IL1RAPL1: variants seen among roughly 807,000 people sequenced by gnomAD.
IL1RAPL1 encodes the protein interleukin 1 receptor accessory protein like 1.
In IL1RAPL1, 3 loss-of-function variants were observed where a neutral mutation model predicts 48.4. The ratio of observed to expected loss-of-function variants is 0.06; its 90% CI spans 0.03 to 0.16. IL1RAPL1 has a LOEUF of 0.16. Among genes scored for constraint, IL1RAPL1 ranks in the 10% least tolerant of loss-of-function variants. IL1RAPL1 has a pLI of 1.00. For missense variants in IL1RAPL1, 349 were observed against 530.6 expected (o/e 0.66, Z 3.36); for synonymous variants, 185 against 187.7 (o/e 0.99, Z 0.12).
intron 2 of IL1RAPL1, among the ~76,000 whole-genome samples, chrX:28,978,974 C>G (rs1038693525): frequency 5.4e-5 from 6 of 111,669 alleles, no homozygotes; most frequent in Non-Finnish European, 9.4e-5. Flanking sequence ...ATGGAATCAT[C>G]TGGAGACTTA....
chrX:29,791,660 G>A (rs1425860535), intron 6 of IL1RAPL1, among the ~76,000 whole-genome samples: 1 of 107,440 alleles, frequency 9.3e-6, no homozygotes. Flanking sequence ...CTGACTTCAG[G>A]TGATCCACCC....
intron 1 of IL1RAPL1, among the ~76,000 whole-genome samples, chrX:28,625,424 A>G (rs1934329619): frequency 8.9e-6 from 1 of 112,037 alleles, no homozygotes; most frequent in South Asian, 3.7e-4. Context: ...TTCAAACTAC[A>G]TATTTGTAAG....
chrX:29,946,159 CTT>C (rs769636240), intron 9 of IL1RAPL1, among the ~76,000 whole-genome samples: 18 of 112,343 alleles, frequency 1.6e-4, no homozygotes, highest in Non-Finnish European at 2.4e-4. Flanking sequence ...ACACCACCCT[CTT>C]GTTTTCATTC....
At chrX:28,736,521 A>C (rs1935828045) in intron 1 of IL1RAPL1, among the ~76,000 whole-genome samples, 2 of 111,617 alleles carry the variant, frequency 1.8e-5, no homozygotes, top group Admixed American at 1.9e-4. Context: ...CTGTTAATGT[A>C]TACAGTTAAT....
chrX:28,992,153 G>A (rs767178447), intron 2 of IL1RAPL1, among the ~76,000 whole-genome samples: 4 of 111,796 alleles, frequency 3.6e-5, no homozygotes, highest in South Asian at 3.7e-4. Context: ...TAATTTCCCC[G>A]TTATTCTAGA....
At chrX:29,774,591 A>G (rs1170869131) in intron 6 of IL1RAPL1, among the ~76,000 whole-genome samples, 1 of 112,317 alleles carries the variant, frequency 8.9e-6, no homozygotes, top group Non-Finnish European at 1.9e-5. Context: ...TATAATTTTT[A>G]TACGTAAAAT....
intron 5 of IL1RAPL1, among the ~76,000 whole-genome samples, chrX:29,539,236 G>A (rs1196104250): frequency 9.0e-6 from 1 of 111,628 alleles, no homozygotes; most frequent in African/African-American, 3.3e-5. Context: ...TTTCATTCCT[G>A]GGATGCAACG....
chrX:29,514,293 T>C (rs6526875), intron 5 of IL1RAPL1, among the ~76,000 whole-genome samples: 51,158 of 111,004 alleles, frequency 0.46, 8,556 homozygotes, highest in East Asian at 0.7. Context: ...CTAAAATAAA[T>C]GTCTTCAAGA....
chrX:28,683,023 G>A (rs1265272991), intron 1 of IL1RAPL1, among the ~76,000 whole-genome samples: 1 of 111,820 alleles, frequency 8.9e-6, no homozygotes, highest in Non-Finnish European at 1.9e-5. Context: ...ACATTTTTTC[G>A]AATCTTGAAG....
chrX:29,248,845 A>G (rs1445065770), intron 2 of IL1RAPL1, among the ~76,000 whole-genome samples: 1 of 111,738 alleles, frequency 8.9e-6, no homozygotes, highest in Admixed American at 9.5e-5. Context: ...ATTCATACAC[A>G]TTCATGCCGT....
At chrX:28,920,405 G>A in intron 2 of IL1RAPL1, among the ~76,000 whole-genome samples, 1 of 111,705 alleles carries the variant, frequency 9.0e-6, no homozygotes, top group Non-Finnish European at 1.9e-5. Context: ...TCCTAATAAG[G>A]AAGTAACGCT....
chrX:28,652,788 G>A lies in IL1RAPL1; in HGVS notation c.-25+64741G>A, dbSNP rs375989827. Among the ~76,000 whole-genome samples, 49 of 105,408 alleles carry A rather than the reference G, an allele frequency of 4.6e-4. No homozygotes were observed. In the East Asian group the frequency reaches 0.012, roughly 27 times the overall value. The allele number at this position is 105,408 out of a possible 115,157, so 91.5% of individuals were successfully genotyped here. A position where few individuals can be genotyped will look rare whatever the true frequency, so the allele number is the denominator to read the frequency against. On this transcript the variant is annotated intron_variant, in intron 1 of 10. Coordinates refer to ENST00000378993, the MANE Select transcript of IL1RAPL1 (RefSeq NM_014271.4). Reference sequence around the variant, plus strand: ...AGCTGCATAGCTGCATAACTGTGACGTGATTTTTTTTTTTTTTAGTAGAGA... The same window carrying A: ...AGCTGCATAGCTGCATAACTGTGACATGATTTTTTTTTTTTTTAGTAGAGA...
intron 2 of IL1RAPL1, among the ~76,000 whole-genome samples, chrX:29,203,222 C>T (rs1930591537): frequency 1.8e-5 from 2 of 111,050 alleles, no homozygotes; most frequent in Admixed American, 1.9e-4. Context: ...AGTTAGGCTA[C>T]TACCATCTCA....
intron 2 of IL1RAPL1, among the ~76,000 whole-genome samples, chrX:29,010,847 G>C (rs770802910): frequency 2.7e-5 from 3 of 111,114 alleles, no homozygotes; most frequent in Non-Finnish European, 5.7e-5. Flanking sequence ...TCACCTTTTA[G>C]ATTGATTCAG....
intron 5 of IL1RAPL1, among the ~76,000 whole-genome samples, chrX:29,428,490 T>A (rs760255350): frequency 9.0e-6 from 1 of 110,856 alleles, no homozygotes; most frequent in South Asian, 3.8e-4. Flanking sequence ...GGCCTCTTTG[T>A]GAGGTCCATG....
At chrX:28,817,485 TAGG>T (rs1936884083) in intron 2 of IL1RAPL1, among the ~76,000 whole-genome samples, 1 of 110,995 alleles carries the variant, frequency 9.0e-6, no homozygotes, top group African/African-American at 3.3e-5. Flanking sequence ...ACACCACTAA[TAGG>T]AGACTGCTGG....
At chrX:29,294,548 A>G in intron 3 of IL1RAPL1, among the ~76,000 whole-genome samples, 1 of 110,489 alleles carries the variant, frequency 9.1e-6, no homozygotes, top group Non-Finnish European at 1.9e-5. Context: ...AATTGTAAAA[A>G]ATTTTAGATT....
At chrX:28,650,155 T>A (rs983754955) in intron 1 of IL1RAPL1, among the ~76,000 whole-genome samples, 1 of 112,067 alleles carries the variant, frequency 8.9e-6, no homozygotes, top group Non-Finnish European at 1.9e-5. Flanking sequence ...TTATTTCATA[T>A]TCGTATGCCT....
intron 5 of IL1RAPL1, among the ~76,000 whole-genome samples, chrX:29,645,860 C>T (rs971233052): frequency 1.8e-5 from 2 of 112,092 alleles, no homozygotes; most frequent in African/African-American, 3.2e-5. Context: ...TGGTCTAGGG[C>T]TTAGGGAATT....
Sources: gnomAD v4.1 joint callset for allele counts (sites outside exome capture counted in the v4.1 genomes callset) on GRCh38, gnomAD v4.1.1 for gene constraint, MANE v1.5 for transcripts, NCBI Gene and HGNC (gene_info 2026-07-23, HGNC 2026-07-21) for gene names.